The following USP16 variants were observed in gnomAD, a reference collection of about 807,000 sequenced individuals.
USP16 encodes the protein ubiquitin carboxyl-terminal hydrolase 16.
A neutral mutation model predicts 95.9 loss-of-function variants in USP16; 77 were observed. The observed-to-expected ratio is 0.80, with a 90% confidence interval of 0.67 to 0.97. The LOEUF is 0.97. Ranked by LOEUF, USP16 falls within the 50% of genes least tolerant of loss-of-function variation. The probability of loss-of-function intolerance (pLI) is 0.00; values close to 1 mark genes in which losing one functional copy is unlikely to be tolerated. For missense variants in USP16, 943 were observed against 959.9 expected, an observed-to-expected ratio of 0.98 and a Z score of 0.23; for synonymous variants, 303 against 318.2, an observed-to-expected ratio of 0.95 and a Z score of 0.51.
chr21:29,024,827 C>A lies in USP16; in HGVS notation c.-42+50C>A, dbSNP rs560884194. 21 of 1,245,388 alleles carry A rather than the reference C, an allele frequency of 1.7e-5. No individual in the cohort carries two copies. In the East Asian group the frequency reaches 1.0e-3, roughly 62 times the overall value. 77.1% of individuals were successfully genotyped at this position (1,245,388 alleles called of 1,614,324 possible). Reference sequence around the variant, plus strand: ...CAGTCGTCGCTCGCCTGGCTTTCTGCGCTGGGAGAGCTCCTGTTTTCCGCC... The same window carrying A: ...CAGTCGTCGCTCGCCTGGCTTTCTGAGCTGGGAGAGCTCCTGTTTTCCGCC... On this transcript the variant is annotated intron_variant, in intron 1 of 17. Coordinates refer to ENST00000399976, the MANE Select transcript of USP16 (RefSeq NM_006447.3).
Position 29,038,390 on chromosome 21 carries a change from G to A in USP16, c.692G>A (p.Gly231Glu). ...CTACTAAAAGAAGTGAAAATGTCTG[G>A]AACAATTGTAAAAATTGAACCACCT... ...RELLKEVKMSGTIVKIEPPDL... is the reference protein window; with the variant it reads ...RELLKEVKMSETIVKIEPPDL... Residue 231 changes from glycine to glutamate, a missense_variant, in exon 7 of 18, where the codon GGA becomes GAA. Transcript: ENST00000399976. 2 of 1,612,574 alleles carry A rather than the reference G, an allele frequency of 1.2e-6. No homozygotes were observed. The highest frequency in any genetic ancestry group is 2.2e-5 in the East Asian group (1 of 44,838).
intron 16 of USP16, among the ~76,000 whole-genome samples, chr21:29,051,557 G>A (rs529510640): frequency 1.5e-3 from 222 of 152,316 alleles, no homozygotes; most frequent in African/African-American, 4.4e-3. Flanking sequence ...GGGGCTGGGC[G>A]TGGTGGCTTA....
At position 29,047,340 on chromosome 21, in the gene USP16, T is replaced by A. The variant is rs1568898104; in HGVS notation, c.2011+19T>A. On this transcript the variant is annotated intron_variant, in intron 14 of 17. Transcript: ENST00000399976. ...ATAAAAGGTATTTTAATGCTCTCAC[T>A]GTAAGTAAAATTAATATTCAGGGGC... 2 of 1,582,388 alleles carry A rather than the reference T, an allele frequency of 1.3e-6. No homozygotes were observed. The highest frequency in any genetic ancestry group is 1.8e-5 in the Admixed American group (1 of 55,136).
intron 10 of USP16, among the ~76,000 whole-genome samples, chr21:29,041,602 G>A (rs2085243708): frequency 6.6e-6 from 1 of 152,042 alleles, no homozygotes; most frequent in Non-Finnish European, 1.5e-5. Context: ...TTGCTACTCT[G>A]GTATCTTTTA....
intron 10 of USP16, 140 bp from the exon 11 acceptor site, chr21:29,041,873 T>G (rs920237661): frequency 9.1e-6 from 6 of 661,436 alleles, no homozygotes; most frequent in Non-Finnish European, 1.5e-5. Context: ...AAAAGGTGAT[T>G]ATGAATGGAG....
At chr21:29,037,679 G>A (rs2085181711) in intron 6 of USP16, among the ~76,000 whole-genome samples, 1 of 148,492 alleles carries the variant, frequency 6.7e-6, no homozygotes, top group Non-Finnish European at 1.5e-5. Context: ...TCTACCTCTT[G>A]GGCTCAAGCA....
intron 3 of USP16, among the ~76,000 whole-genome samples, chr21:29,032,823 T>C (rs994203296): frequency 6.7e-6 from 1 of 148,582 alleles, no homozygotes; most frequent in Non-Finnish European, 1.5e-5. Context: ...TAATGTTTAG[T>C]TTTTTAAGAA....
intron 4 of USP16, among the ~76,000 whole-genome samples, chr21:29,035,628 A>G (rs1340000089): frequency 1.3e-5 from 2 of 151,820 alleles, no homozygotes; most frequent in African/African-American, 2.4e-5. Flanking sequence ...TGTGATCCGC[A>G]TGCCTCAGCC....
rs1422781210 is a variant in USP16 at position 29,037,552 on chromosome 21, AATTT to A, written c.636+94_636+97del. 4 of 940,502 alleles carry A rather than the reference AATTT, an allele frequency of 4.3e-6. No individual in the cohort carries two copies. The East Asian group carries it at 1.3e-4, about 30-fold the overall frequency. 58.3% of individuals were successfully genotyped at this position (940,502 alleles called of 1,614,324 possible). ...ATTATTGAGTTTTTTCCACCTGAGT[AATTT>A]ATTTCTATGTATCCAAAGAAAACTT... On this transcript the variant is annotated intron_variant, in intron 6 of 17. Coordinates refer to ENST00000399976, the MANE Select transcript of USP16 (RefSeq NM_006447.3).
chr21:29,049,998 T>G, intron 15 of USP16, 94 bp from the exon 16 acceptor site: 4 of 1,038,750 alleles, frequency 3.9e-6, no homozygotes, highest in Middle Eastern at 2.6e-4. Flanking sequence ...GACTTAATGT[T>G]GATATTCTTT....
At chr21:29,030,905 T>A in intron 3 of USP16, 132 bp downstream of exon 3, 1 of 1,035,046 alleles carries the variant, frequency 9.7e-7, no homozygotes, top group Non-Finnish European at 1.4e-6. Context: ...GGAGAACCAG[T>A]TCTGAGATGT....
chr21:29,025,768 T>G, intron 1 of USP16: 1 of 975,966 alleles, frequency 1.0e-6, no homozygotes, highest in Non-Finnish European at 1.2e-6. Flanking sequence ...CCTTTATGCC[T>G]CAGGTACTAT....
At chr21:29,037,662 T>C (rs1208789858) in intron 6 of USP16, among the ~76,000 whole-genome samples, 199 bp downstream of exon 6, 1 of 145,070 alleles carries the variant, frequency 6.9e-6, no homozygotes, top group Non-Finnish European at 1.5e-5. Context: ...CGTGGCTCAC[T>C]GCAGCCTCTA....
intron 6 of USP16, among the ~76,000 whole-genome samples, chr21:29,038,026 T>C (rs2085187866): frequency 6.6e-6 from 1 of 152,228 alleles, no homozygotes; most frequent in Non-Finnish European, 1.5e-5. Context: ...TAACCTCATA[T>C]AGAAGCAAAT....
At chr21:29,024,912 G>T in intron 1 of USP16, 135 bp downstream of exon 1, 2 of 916,980 alleles carry the variant, frequency 2.2e-6, no homozygotes, top group Non-Finnish European at 2.9e-6. Context: ...GCTACTTTCC[G>T]GTACTGCGAT....
rs763930743 is a variant in USP16 at position 29,040,648 on chromosome 21, A to G, written c.991A>G (p.Thr331Ala). 7.1e-6 allele frequency: 11 copies of G among 1,547,534 alleles called. No homozygotes were observed. The South Asian group carries it at 8.0e-5, about 11-fold the overall frequency. ...KGILKAFGNS[T>A]EKLDEELKNK... Reference sequence around the variant, plus strand: ...AATACTTAAAGCATTTGGTAATTCTACTGAAAAGTTGGATGAAGAACTAAA... The same window carrying G: ...AATACTTAAAGCATTTGGTAATTCTGCTGAAAAGTTGGATGAAGAACTAAA... The change falls in exon 10 of 18, where the codon ACT becomes GCT. Residue 331 changes from threonine to alanine, a missense_variant. By Grantham distance (58) the Thr-to-Ala change is moderately conservative (BLOSUM62 0). Coordinates refer to ENST00000399976, the MANE Select transcript of USP16 (RefSeq NM_006447.3).
chr21:29,038,118 G>A (rs1436652266), intron 6 of USP16, among the ~76,000 whole-genome samples: 2 of 152,164 alleles, frequency 1.3e-5, no homozygotes, highest in Non-Finnish European at 2.9e-5. Context: ...TGGGTGGTGG[G>A]AGAATGCCCC....
intron 4 of USP16, 51 bp from the exon 5 acceptor site, chr21:29,036,220 C>A (rs1308682621): frequency 7.0e-7 from 1 of 1,436,278 alleles, no homozygotes; most frequent in South Asian, 1.2e-5. Flanking sequence ...TTTGTCTCCC[C>A]CTTTTTAGTT....
chr21:29,024,852 C>T, intron 1 of USP16, 75 bp downstream of exon 1: 2 of 1,214,942 alleles, frequency 1.6e-6, no homozygotes, highest in Admixed American at 6.2e-5. Flanking sequence ...TGTTTTCCGC[C>T]CCAACTTCGT....
Sources: allele counts gnomAD v4.1 joint callset (sites outside exome capture counted in the v4.1 genomes callset), GRCh38; gene constraint gnomAD v4.1.1; transcripts MANE v1.5; gene names NCBI Gene and HGNC (gene_info 2026-07-23, HGNC 2026-07-21).